ABCA1: variants seen among roughly 807,000 people sequenced by gnomAD.
ABCA1 encodes ATP binding cassette subfamily A member 1, also known as phospholipid-transporting ATPase ABCA1.
ABCA1 carries 133 observed loss-of-function variants against 262.5 expected under a neutral mutation model. The ratio of observed to expected loss-of-function variants is 0.51; its 90% CI spans 0.44 to 0.59. The LOEUF (loss-of-function observed/expected upper bound fraction) is 0.59, where lower values mean the gene tolerates loss of function less well. ABCA1 is among the 20% of genes least tolerant of loss of function. The probability of loss-of-function intolerance (pLI) is 0.00; values close to 1 mark genes in which losing one functional copy is unlikely to be tolerated. For missense variants in ABCA1, 2,452 were observed against 2,777.5 expected (o/e 0.88, Z 2.63); for synonymous variants, 1,022 against 1,043.5 (o/e 0.98, Z 0.40).
At chr9:104,854,568 A>T (rs1009827170) in intron 7 of ABCA1, among the ~76,000 whole-genome samples, 1 of 152,130 alleles carries the variant, frequency 6.6e-6, no homozygotes, top group African/African-American at 2.4e-5. Context: ...TTTCTGTGAG[A>T]CAGGAAGGTG....
At chr9:104,844,901 C>T (rs1332347565) in intron 8 of ABCA1, among the ~76,000 whole-genome samples, 1 of 152,144 alleles carries the variant, frequency 6.6e-6, no homozygotes, top group Non-Finnish European at 1.5e-5. Context: ...GCCTACAGGC[C>T]CTCTGATCCT....
rs562702283 is a variant in ABCA1, at chr9:104,828,773, T to C, written c.2115+143A>G. 31 of 980,490 alleles carry C rather than the reference T, an allele frequency of 3.2e-5. No individual in the cohort carries two copies. In the African/African-American group the frequency reaches 4.2e-4, roughly 13 times the overall value. The allele number at this position is 980,490 out of a possible 1,614,324, so 60.7% of individuals were successfully genotyped here. ...CTCTGGGCCTCACTTTCCCCAACTATAAATGGATGAAATTGCAGGAAATGA... is the reference window on the plus strand; with the variant it reads ...CTCTGGGCCTCACTTTCCCCAACTACAAATGGATGAAATTGCAGGAAATGA... On this transcript the variant is annotated intron_variant, in intron 15 of 49. Transcript: ENST00000374736.
chr9:104,896,278 T>C (rs183806260), intron 2 of ABCA1, among the ~76,000 whole-genome samples: 312 of 152,240 alleles, frequency 2.0e-3, no homozygotes, highest in African/African-American at 7.1e-3. Flanking sequence ...ACAGTGAGAA[T>C]GGACACATAA....
chr9:104,881,099 A>C (rs1489414562), intron 5 of ABCA1, among the ~76,000 whole-genome samples: 1 of 152,120 alleles, frequency 6.6e-6, no homozygotes, highest in South Asian at 2.1e-4. Context: ...CAGTGAGCCA[A>C]GACTGCGCCA....
chr9:104,834,656 G>A (rs1833646162), intron 11 of ABCA1, among the ~76,000 whole-genome samples: 1 of 148,838 alleles, frequency 6.7e-6, no homozygotes, highest in African/African-American at 2.5e-5. Context: ...GTGAGGGGCA[G>A]GAGACCTAAG....
At chr9:104,879,974 A>G (rs944739185) in intron 5 of ABCA1, among the ~76,000 whole-genome samples, 1 of 152,236 alleles carries the variant, frequency 6.6e-6, no homozygotes, top group African/African-American at 2.4e-5. Context: ...AAAGAAAAAC[A>G]TGAGAGCTGT....
Position 104,912,241 on chromosome 9 carries a change from C to T in ABCA1, c.-92-8470G>A, listed in dbSNP as rs569301272. ...TCATGTTGTCAACAATATAATTTTA[C>T]AGGAGATCCTGACCGGGTGTGGCGG... On this transcript the variant is annotated intron_variant, in intron 1 of 49. Transcript: ENST00000374736. 1.8e-4 allele frequency among the ~76,000 whole-genome samples: 27 copies of T among 152,256 alleles called. No homozygotes were observed. In the South Asian group the frequency reaches 5.6e-3, roughly 32 times the overall value.
chr9:104,896,302 G>C (rs1316764495), intron 2 of ABCA1, among the ~76,000 whole-genome samples: 1 of 152,064 alleles, frequency 6.6e-6, no homozygotes, highest in African/African-American at 2.4e-5. Context: ...AAAAAACCTA[G>C]GCATTAACTT....
intron 8 of ABCA1, among the ~76,000 whole-genome samples, chr9:104,844,514 C>T (rs1034160819): frequency 4.6e-5 from 7 of 152,042 alleles, no homozygotes; most frequent in Non-Finnish European, 1.0e-4. Context: ...TCCAAGTCTT[C>T]AGCATTTTCC....
At chr9:104,902,893 G>A (rs1245457419) in intron 2 of ABCA1, among the ~76,000 whole-genome samples, 1 of 152,130 alleles carries the variant, frequency 6.6e-6, no homozygotes, top group East Asian at 1.9e-4. Context: ...ACAGGAACAA[G>A]AGACTTAGAA....
At chr9:104,822,723 G>C in intron 18 of ABCA1, 56 bp from the exon 19 acceptor site, 1 of 1,599,530 alleles carries the variant, frequency 6.3e-7, no homozygotes, top group Non-Finnish European at 8.5e-7. Context: ...GGAGTGGAGT[G>C]TAAGGACACA....
At chr9:104,852,689 A>T (rs925174717) in intron 7 of ABCA1, among the ~76,000 whole-genome samples, 1 of 152,234 alleles carries the variant, frequency 6.6e-6, no homozygotes, top group Admixed American at 6.5e-5. Context: ...GTAAATCTAC[A>T]CAGTGTGTCA....
chr9:104,885,053 T>C (rs971298927), intron 3 of ABCA1, among the ~76,000 whole-genome samples: 1 of 152,044 alleles, frequency 6.6e-6, no homozygotes, highest in African/African-American at 2.4e-5. Flanking sequence ...CTGGCCAACA[T>C]GGCGAAACCC....
intron 1 of ABCA1, among the ~76,000 whole-genome samples, chr9:104,921,030 C>CT: frequency 6.6e-6 from 1 of 152,124 alleles, no homozygotes; most frequent in East Asian, 1.9e-4. Flanking sequence ...TATCCATGTT[C>CT]TTTTTCACCA....
At position 104,817,202 on chromosome 9, in the gene ABCA1, C is replaced by T; in HGVS notation, c.3535+130G>A. 6.3e-7 allele frequency: 1 copy of T among 1,575,986 alleles called. No homozygotes were observed. Among genetic ancestry groups the T allele is most frequent in the Non-Finnish European group, 8.6e-7 (1 of 1,164,866 alleles). On this transcript the variant is annotated intron_variant, in intron 24 of 49. Coordinates refer to ENST00000374736, the MANE Select transcript of ABCA1 (RefSeq NM_005502.4). This position sits in a 1 kb window ranked among gnomAD's most constrained non-coding sequence, Gnocchi z 4.7. ...CAAGCTGCTCCCACACCCGCAGCCA[C>T]CCAGCCCCAGCCCAGCAGCAAACCT...
intron 2 of ABCA1, among the ~76,000 whole-genome samples, chr9:104,902,890 C>A (rs996253841): frequency 2.6e-5 from 4 of 152,030 alleles, no homozygotes; most frequent in African/African-American, 9.7e-5. Flanking sequence ...AGAACAGGAA[C>A]AAGAGACTTA....
At chr9:104,843,249 T>G (rs987385127) in intron 8 of ABCA1, among the ~76,000 whole-genome samples, 3 of 152,220 alleles carry the variant, frequency 2.0e-5, no homozygotes, top group Non-Finnish European at 4.4e-5. Context: ...GCGTGTTCAC[T>G]GCTGAGTCCT....
intron 11 of ABCA1, among the ~76,000 whole-genome samples, chr9:104,833,164 T>C (rs1178795269): frequency 6.6e-6 from 1 of 152,192 alleles, no homozygotes; most frequent in Non-Finnish European, 1.5e-5. Flanking sequence ...AAGAGGGCAC[T>C]TTTATTTTTT....
At chr9:104,816,415 C>G in intron 24 of ABCA1, 70 bp from the exon 25 acceptor site, 1 of 1,458,840 alleles carries the variant, frequency 6.9e-7, no homozygotes, top group Non-Finnish European at 9.6e-7. Context: ...CTGGCCATCC[C>G]CCACCCTCTC....
Sources: allele counts gnomAD v4.1 joint callset (sites outside exome capture counted in the v4.1 genomes callset), GRCh38; gene constraint gnomAD v4.1.1; non-coding constraint Gnocchi (gnomAD v3.1); transcripts MANE v1.5; gene names NCBI Gene and HGNC (gene_info 2026-07-23, HGNC 2026-07-21).